GAB2: variants seen among roughly 807,000 people sequenced by gnomAD.
GAB2 encodes the protein GRB2 associated binding protein 2.
A neutral mutation model predicts 65.5 loss-of-function variants in GAB2; 26 were observed. That is an observed-to-expected ratio of 0.40 (90% CI 0.29 to 0.55). The LOEUF is 0.55. Ranked by LOEUF, GAB2 falls within the 20% of genes least tolerant of loss-of-function variation. The pLI, the probability that GAB2 is intolerant of heterozygous loss-of-function variation, is 0.53. For synonymous variants in GAB2, 321 were observed against 329.6 expected (o/e 0.97, Z 0.28); for missense variants, 884 against 875.8 (o/e 1.01, Z -0.12).
At chr11:78,380,692 A>G (rs1856686096) in intron 1 of GAB2, among the ~76,000 whole-genome samples, 1 of 152,214 alleles carries the variant, frequency 6.6e-6, no homozygotes, top group South Asian at 2.1e-4. Context: ...TTGGAACTTT[A>G]AATTATTCGG....
chr11:78,337,126 A>G (rs1856016058), intron 1 of GAB2, among the ~76,000 whole-genome samples: 1 of 152,174 alleles, frequency 6.6e-6, no homozygotes, highest in Non-Finnish European at 1.5e-5. Flanking sequence ...CTTCTTGCTC[A>G]ATGTTCATCT....
intron 2 of GAB2, among the ~76,000 whole-genome samples, chr11:78,277,943 G>T (rs549610366): frequency 6.6e-6 from 1 of 152,186 alleles, no homozygotes; most frequent in Non-Finnish European, 1.5e-5. Flanking sequence ...TATGCCCTTT[G>T]GCCGAATTCT....
chr11:78,271,301 C>A lies in GAB2; in HGVS notation c.376+9300G>T, dbSNP rs534560010. 1.4e-4 allele frequency among the ~76,000 whole-genome samples: 21 copies of A among 152,300 alleles called. No individual in the cohort carries two copies. In the South Asian group the frequency reaches 4.4e-3, roughly 32 times the overall value. ...CTGAGGACTGACAGCTATTTTGATT[C>A]CAAGAGGCAGGTGAGGTTCTTTCAT... is the stretch of plus-strand genomic sequence containing the variant. On this transcript the variant is annotated intron_variant, in intron 2 of 9. Coordinates refer to ENST00000361507, the MANE Select transcript of GAB2 (RefSeq NM_080491.3).
intron 1 of GAB2, among the ~76,000 whole-genome samples, chr11:78,404,546 A>G (rs1251160382): frequency 6.6e-6 from 1 of 152,260 alleles, no homozygotes; most frequent in African/African-American, 2.4e-5. Context: ...CCGTCTTGAA[A>G]ACAACAATAA....
chr11:78,292,033 A>T (rs2134607724), intron 1 of GAB2, among the ~76,000 whole-genome samples: 1 of 151,128 alleles, frequency 6.6e-6, no homozygotes, highest in South Asian at 2.1e-4. Flanking sequence ...TGTGTGTGAG[A>T]GAGAGAGAGT....
At position 78,230,576 on chromosome 11, in the gene GAB2, AC is replaced by A. The variant is rs1476834762; in HGVS notation, c.621-3526del. Among the ~76,000 whole-genome samples, 8 of 152,220 alleles carry A rather than the reference AC, an allele frequency of 5.3e-5. No individual in the cohort carries two copies. In the East Asian group the frequency reaches 1.5e-3, roughly 29 times the overall value. On this transcript the variant is annotated intron_variant, in intron 3 of 9. Coordinates refer to ENST00000361507, the MANE Select transcript of GAB2 (RefSeq NM_080491.3). ...CAGTTATTCAGGTCTGTGTCTTTCCACTTCTACCAGACCATGTGCTCCTAGA... is the reference window on the plus strand; with the variant it reads ...CAGTTATTCAGGTCTGTGTCTTTCCATTCTACCAGACCATGTGCTCCTAGA...
At chr11:78,366,704 C>T (rs1856503024) in intron 1 of GAB2, among the ~76,000 whole-genome samples, 2 of 147,852 alleles carry the variant, frequency 1.4e-5, no homozygotes, top group African/African-American at 4.9e-5. Context: ...CAAAAACCTT[C>T]TATATTCACT....
intron 1 of GAB2, among the ~76,000 whole-genome samples, chr11:78,411,528 A>G (rs1459653079): frequency 2.0e-5 from 3 of 152,212 alleles, no homozygotes; most frequent in Non-Finnish European, 4.4e-5. Context: ...GGACCAAAAC[A>G]GAGACAACAG....
Position 78,311,650 on chromosome 11 carries a change from C to CAGTG in GAB2, c.76-30753_76-30750dup, listed in dbSNP as rs1317571654. Among the ~76,000 whole-genome samples, 5 of 152,168 alleles carry CAGTG rather than the reference C, an allele frequency of 3.3e-5. No individual in the cohort carries two copies. In the East Asian group the frequency reaches 9.6e-4, roughly 29 times the overall value. On this transcript the variant is annotated intron_variant, in intron 1 of 9. Transcript: ENST00000361507. ...TCTGCGTGCCAGGCTGTGGGCCAGG[C>CAGTG]AGTGGTGTTGGTACTGCTTATTATA...
intron 2 of GAB2, among the ~76,000 whole-genome samples, chr11:78,257,237 C>T (rs762016207): frequency 3.3e-5 from 5 of 152,142 alleles, no homozygotes; most frequent in Non-Finnish European, 5.9e-5. Flanking sequence ...GGGTGGTTGG[C>T]GGGAGTTTCT....
chr11:78,366,956 T>C (rs954756737), intron 1 of GAB2, among the ~76,000 whole-genome samples: 2 of 151,886 alleles, frequency 1.3e-5, no homozygotes, highest in African/African-American at 4.8e-5. Flanking sequence ...AAGCTTCCAT[T>C]ATGTGCAAGG....
chr11:78,230,475 G>A (rs1406656469), intron 3 of GAB2, among the ~76,000 whole-genome samples: 1 of 152,196 alleles, frequency 6.6e-6, no homozygotes, highest in Admixed American at 6.5e-5. Flanking sequence ...TCCTTTTTAT[G>A]GTAATCATTC....
chr11:78,416,512 G>A (rs1857198127), intron 1 of GAB2, among the ~76,000 whole-genome samples: 1 of 152,226 alleles, frequency 6.6e-6, no homozygotes, highest in Non-Finnish European at 1.5e-5. Flanking sequence ...TCTATTCCGA[G>A]CTCCCTTGAT....
chr11:78,331,671 A>G (rs535214316), intron 1 of GAB2, among the ~76,000 whole-genome samples: 1 of 152,148 alleles, frequency 6.6e-6, no homozygotes, highest in African/African-American at 2.4e-5. Context: ...TCTTTCTCTA[A>G]GCTTGAAGTC....
intron 1 of GAB2, among the ~76,000 whole-genome samples, chr11:78,284,999 A>C (rs1590999109): frequency 6.6e-6 from 1 of 152,216 alleles, no homozygotes; most frequent in East Asian, 1.9e-4. Context: ...AGGTATAGCC[A>C]GATAGGATGG....
chr11:78,297,884 A>G (rs755007895), intron 1 of GAB2, among the ~76,000 whole-genome samples: 2 of 152,318 alleles, frequency 1.3e-5, no homozygotes, highest in Non-Finnish European at 2.9e-5. Context: ...GCATACACAC[A>G]TACACACATT....
At chr11:78,248,555 G>C (rs1345261351) in intron 3 of GAB2, among the ~76,000 whole-genome samples, 1 of 152,202 alleles carries the variant, frequency 6.6e-6, no homozygotes, top group African/African-American at 2.4e-5. Context: ...ATGATTTTAA[G>C]ACCTCACCTT....
At chr11:78,392,744 A>C (rs1456970607) in intron 1 of GAB2, among the ~76,000 whole-genome samples, 1 of 152,116 alleles carries the variant, frequency 6.6e-6, no homozygotes, top group Non-Finnish European at 1.5e-5. Context: ...TCATGAGCTC[A>C]CATCTTTAGG....
intron 2 of GAB2, among the ~76,000 whole-genome samples, chr11:78,268,138 A>G (rs1327407499): frequency 6.6e-6 from 1 of 152,160 alleles, no homozygotes; most frequent in Non-Finnish European, 1.5e-5. Context: ...CTCCTCTGCT[A>G]TACTCAAAGT....
Sources: gnomAD v4.1 joint callset for allele counts (sites outside exome capture counted in the v4.1 genomes callset) on GRCh38, gnomAD v4.1.1 for gene constraint, MANE v1.5 for transcripts, NCBI Gene and HGNC (gene_info 2026-07-23, HGNC 2026-07-21) for gene names.